ALDH1A1: variants seen among roughly 807,000 people sequenced by gnomAD.
ALDH1A1 encodes aldehyde dehydrogenase 1A1.
A neutral mutation model predicts 62.1 loss-of-function variants in ALDH1A1; 19 were observed. The observed-to-expected ratio is 0.31, with a 90% CI of 0.21 to 0.45. The LOEUF is 0.45. ALDH1A1 is among the 20% of genes least tolerant of loss of function. ALDH1A1 has a pLI of 1.00. For missense variants in ALDH1A1, 521 were observed against 607.1 expected, an observed-to-expected ratio of 0.86 and a Z score of 1.49; for synonymous variants, 231 against 215.9, an observed-to-expected ratio of 1.07 and a Z score of -0.61.
intron 6 of ALDH1A1, 63 bp from the exon 7 acceptor site, chr9:72,924,195 G>T: frequency 1.6e-6 from 2 of 1,215,288 alleles, no homozygotes; most frequent in Non-Finnish European, 1.2e-6. Flanking sequence ...AGGAGAGTAG[G>T]GGATTGAGAT....
intron 10 of ALDH1A1, among the ~76,000 whole-genome samples, 163 bp from the exon 11 acceptor site, chr9:72,909,922 TAGGTGAAAACAGATAATGGTC>T (rs1476579611): frequency 6.6e-6 from 1 of 152,166 alleles, no homozygotes; most frequent in African/African-American, 2.4e-5. Flanking sequence ...GCAAAAATGG[TAGGTGAAAACAGATAATGGTC>T]AGGTGTTAAA....
At chr9:72,913,256 T>C (rs1218097150) in intron 9 of ALDH1A1, among the ~76,000 whole-genome samples, 1 of 152,208 alleles carries the variant, frequency 6.6e-6, no homozygotes, top group African/African-American at 2.4e-5. Context: ...AACTATTTTC[T>C]AAAATTTGGC....
At chr9:72,923,561 T>TA (rs1830167648) in intron 7 of ALDH1A1, among the ~76,000 whole-genome samples, 1 of 152,260 alleles carries the variant, frequency 6.6e-6, no homozygotes, top group African/African-American at 2.4e-5. Flanking sequence ...AAAGTTAGTC[T>TA]AGGTACCACT....
chr9:72,939,497 AC>A (rs1252761130), intron 2 of ALDH1A1, among the ~76,000 whole-genome samples: 6 of 152,074 alleles, frequency 3.9e-5, no homozygotes, highest in African/African-American at 1.4e-4. Flanking sequence ...TTATCTAGCA[AC>A]ATAAAAAGAA....
intron 3 of ALDH1A1, among the ~76,000 whole-genome samples, chr9:72,929,867 A>C (rs1830258622): frequency 6.6e-6 from 1 of 152,216 alleles, no homozygotes; most frequent in Non-Finnish European, 1.5e-5. Flanking sequence ...GGCAGTCAAC[A>C]AATCAGATAA....
At chr9:72,938,396 C>G (rs1297606779) in intron 2 of ALDH1A1, among the ~76,000 whole-genome samples, 2 of 152,160 alleles carry the variant, frequency 1.3e-5, no homozygotes, top group Non-Finnish European at 2.9e-5. Context: ...TTTTTACTCT[C>G]CTCACCCAGG....
At chr9:72,923,529 A>G (rs1588137191) in intron 7 of ALDH1A1, among the ~76,000 whole-genome samples, 1 of 152,114 alleles carries the variant, frequency 6.6e-6, no homozygotes, top group South Asian at 2.1e-4. Flanking sequence ...TAGGATGGTC[A>G]AGTTCAAGCC....
intron 11 of ALDH1A1, among the ~76,000 whole-genome samples, chr9:72,908,595 GAAAGAAAGAAAGA>G (rs1414480261): frequency 2.8e-5 from 4 of 143,858 alleles, no homozygotes; most frequent in African/African-American, 5.1e-5. Flanking sequence ...AAGAAAGAAA[GAAAGAAAGAAAGA>G]AAGAAAGAAA....
chr9:72,928,331 C>G (rs1160703142), intron 4 of ALDH1A1, among the ~76,000 whole-genome samples: 1 of 152,092 alleles, frequency 6.6e-6, no homozygotes, highest in African/African-American at 2.4e-5. Flanking sequence ...CGTACAGATT[C>G]ACACACACAA....
chr9:72,929,253 A>G (rs1242541646), intron 3 of ALDH1A1, among the ~76,000 whole-genome samples: 4 of 152,148 alleles, frequency 2.6e-5, no homozygotes, highest in Non-Finnish European at 5.9e-5. Flanking sequence ...TGCTCTTTCT[A>G]TCTCATTTTG....
intron 11 of ALDH1A1, among the ~76,000 whole-genome samples, chr9:72,909,155 CTTTTTTTTTTT>C (rs5898281): frequency 1.3e-5 from 1 of 75,534 alleles, no homozygotes; most frequent in African/African-American, 5.6e-5. Flanking sequence ...TCCAATACAG[CTTTTTTTTTTT>C]TTTTTTTTTT....
intron 9 of ALDH1A1, among the ~76,000 whole-genome samples, chr9:72,915,766 T>C (rs1256849670): frequency 1.3e-5 from 2 of 152,180 alleles, no homozygotes; most frequent in Non-Finnish European, 2.9e-5. Context: ...GACTGTAAAC[T>C]CCATGAGGTC....
At chr9:72,923,974 G>T in intron 7 of ALDH1A1, 45 bp downstream of exon 7, 1 of 1,279,390 alleles carries the variant, frequency 7.8e-7, no homozygotes, top group Non-Finnish European at 1.1e-6. Flanking sequence ...TTCATAGCTG[G>T]CAATGCAGAC....
chr9:72,920,643 A>G (rs918784201), intron 7 of ALDH1A1, among the ~76,000 whole-genome samples: 1 of 152,254 alleles, frequency 6.6e-6, no homozygotes, highest in African/African-American at 2.4e-5. Flanking sequence ...AAGAAAGTCT[A>G]CACTTTTGCT....
rs753473268 is a variant in ALDH1A1 at position 72,925,512 on chromosome 9, G to A, written c.605C>T (p.Ala202Val). 6.2e-7 allele frequency: 1 copy of A among 1,613,972 alleles called. No homozygotes were observed. The highest frequency in any genetic ancestry group is 1.1e-5 in the South Asian group (1 of 91,080). ...VKPAEQTPLT[A>V]LHVASLIKEA... Reference sequence around the variant, plus strand: ...TTTTATTAAAGATGCCACGTGGAGAGCAGTGAGAGGAGTTTGCTCTGCTGG... The same window carrying A: ...TTTTATTAAAGATGCCACGTGGAGAACAGTGAGAGGAGTTTGCTCTGCTGG... The change falls in exon 6 of 13, where the codon GCT becomes GTT. Residue 202 changes from alanine to valine, a missense_variant. Ala to Val is a moderately conservative substitution (Grantham distance 64). Transcript: ENST00000297785.
At chr9:72,927,678 T>C (rs1830228948) in intron 4 of ALDH1A1, among the ~76,000 whole-genome samples, 1 of 152,182 alleles carries the variant, frequency 6.6e-6, no homozygotes, top group Non-Finnish European at 1.5e-5. Flanking sequence ...TTTTAAAAGT[T>C]ATAATATAAT....
chr9:72,930,892 C>A lies in ALDH1A1; in HGVS notation c.299G>T (p.Arg100Leu), dbSNP rs761612332. 6.2e-7 allele frequency: 1 copy of A among 1,613,890 alleles called. No individual in the cohort carries two copies. Among genetic ancestry groups the A allele is most frequent in the Non-Finnish European group, 8.5e-7 (1 of 1,179,948 alleles). ...GATAATACTCACCGCCAGCAGCAGA[C>A]GATCTCTTTCGATTAAATCAGCCAA... ...YKLADLIERD[R>L]LLLATMESMN... Residue 100 changes from arginine to leucine, a missense_variant, in exon 3 of 13, where the codon CGT (arginine) becomes CTT (leucine). Physicochemically the swap from Arg to Leu is moderately radical, Grantham distance 102. Coordinates refer to ENST00000297785, the MANE Select transcript of ALDH1A1 (RefSeq NM_000689.5).
At chr9:72,943,850 C>A (rs8187894) in intron 1 of ALDH1A1, among the ~76,000 whole-genome samples, 1 of 151,704 alleles carries the variant, frequency 6.6e-6, no homozygotes, top group East Asian at 1.9e-4. Flanking sequence ...GACTGTGGAG[C>A]AAAATGGCCA....
Position 72,914,938 on chromosome 9 carries a change from T to C in ALDH1A1, c.1035+1982A>G, listed in dbSNP as rs8187960. Among the ~76,000 whole-genome samples the C allele has an allele frequency of 7.2e-3, 1,100 of 152,246 alleles. 6 individuals carry two copies. Among genetic ancestry groups the C allele is most frequent in the South Asian group, 0.026 (125 of 4,820 alleles). On this transcript the variant is annotated intron_variant, in intron 9 of 12. Transcript: ENST00000297785. ...ACTCAACCACCCCTGGATGAGGCAATAGGCTAAAGCTTAGTGAGTGAGTAT... is the reference window on the plus strand; with the variant it reads ...ACTCAACCACCCCTGGATGAGGCAACAGGCTAAAGCTTAGTGAGTGAGTAT...
Sources: allele counts gnomAD v4.1 joint callset (sites outside exome capture counted in the v4.1 genomes callset), GRCh38; gene constraint gnomAD v4.1.1; transcripts MANE v1.5; gene names NCBI Gene and HGNC (gene_info 2026-07-23, HGNC 2026-07-21).